Variants in HYCC1 observed in about 807,000 individuals in gnomAD.
The protein encoded by HYCC1 is hyccin.
chr7:23,007,973 AC>A, the HYCC1 span, among the ~76,000 whole-genome samples: 1 of 152,072 alleles, frequency 6.6e-6, no homozygotes, highest in Non-Finnish European at 1.5e-5. Flanking sequence ...CAACTGTGAA[AC>A]CCTAAAGGCA....
the HYCC1 span, among the ~76,000 whole-genome samples, chr7:22,989,271 T>C: frequency 6.7e-6 from 1 of 148,858 alleles, no homozygotes; most frequent in African/African-American, 2.5e-5. Flanking sequence ...ATCACAAAGA[T>C]AACACAAGCA....
the HYCC1 span, among the ~76,000 whole-genome samples, chr7:23,000,821 T>C: frequency 3.3e-5 from 5 of 151,692 alleles, no homozygotes; most frequent in Non-Finnish European, 7.4e-5. Context: ...GGGATAGACA[T>C]CTGCATAAGA....
chr7:23,000,960 A>G, the HYCC1 span, among the ~76,000 whole-genome samples: 1 of 151,968 alleles, frequency 6.6e-6, no homozygotes, highest in Non-Finnish European at 1.5e-5. Flanking sequence ...AGAGCCTTTA[A>G]TATGCTAAAT....
the HYCC1 span, among the ~76,000 whole-genome samples, chr7:22,986,028 T>TTA: frequency 0.29 from 43,439 of 149,222 alleles, 6,414 homozygotes; most frequent in East Asian, 0.47. Flanking sequence ...GATTACTACT[T>TTA]TATATATATA....
the HYCC1 span, chr7:22,977,465 C>T: frequency 8.8e-7 from 1 of 1,135,758 alleles, no homozygotes; most frequent in Non-Finnish European, 1.3e-6. Flanking sequence ...TACTTTCTTA[C>T]ACACAAATTT....
the HYCC1 span, among the ~76,000 whole-genome samples, chr7:23,011,451 A>G: frequency 6.6e-6 from 1 of 152,196 alleles, no homozygotes; most frequent in Non-Finnish European, 1.5e-5. Context: ...CAGAACCCCA[A>G]GTCAAACCTT....
chr7:22,905,386 A>ATTTTTTTTTTTTTTTTTTTTTT, the HYCC1 span, among the ~76,000 whole-genome samples: 48 of 44,470 alleles, frequency 1.1e-3, 5 homozygotes, highest in Admixed American at 1.9e-3. Context: ...CTAATTTTGT[A>ATTTTTTTTTTTTTTTTTTTTTT]TTTTTTTTTT....
chr7:22,895,933 T>C, the HYCC1 span, among the ~76,000 whole-genome samples: 1 of 152,238 alleles, frequency 6.6e-6, no homozygotes, highest in Admixed American at 6.5e-5. Flanking sequence ...TAATATTATA[T>C]TTGAAATGAA....
chr7:22,934,838 T>C, the HYCC1 span: 5 of 152,314 alleles, frequency 3.3e-5, no homozygotes, highest in African/African-American at 7.2e-5. Context: ...AAAGTTTGTA[T>C]TGGAAGTTAG....
chr7:22,904,096 T>C, the HYCC1 span, among the ~76,000 whole-genome samples: 3 of 152,096 alleles, frequency 2.0e-5, no homozygotes, highest in Admixed American at 6.6e-5. Context: ...ATGTAGAAAT[T>C]ATCAAATCCT....
chr7:22,974,465 C>A, the HYCC1 span, among the ~76,000 whole-genome samples: 1 of 152,116 alleles, frequency 6.6e-6, no homozygotes, highest in Non-Finnish European at 1.5e-5. Context: ...CAAAAAACAT[C>A]TTAGAACGAC....
At chr7:22,915,200 G>A in the HYCC1 span, among the ~76,000 whole-genome samples, 1 of 152,090 alleles carries the variant, frequency 6.6e-6, no homozygotes. Flanking sequence ...TCAGATTCCG[G>A]CCCTCAAACC....
At chr7:23,002,166 A>ATATATACAAT in the HYCC1 span, among the ~76,000 whole-genome samples, 4 of 81,156 alleles carry the variant, frequency 4.9e-5, no homozygotes, top group African/African-American at 2.0e-4. Flanking sequence ...ATATATATAT[A>ATATATACAAT]TATATATATA....
chr7:22,946,209 G>A, the HYCC1 span: 1 of 1,516,328 alleles, frequency 6.6e-7, no homozygotes, highest in African/African-American at 1.4e-5. Context: ...AGTATTTTAA[G>A]CAATCTTTTT....
At chr7:22,925,981 C>T in the HYCC1 span, among the ~76,000 whole-genome samples, 1 of 152,176 alleles carries the variant, frequency 6.6e-6, no homozygotes, top group Non-Finnish European at 1.5e-5. Flanking sequence ...AACAGCTGAT[C>T]TCTCGGCAGA....
chr7:22,946,266 A>G, the HYCC1 span: 4 of 880,826 alleles, frequency 4.5e-6, no homozygotes, highest in Non-Finnish European at 7.0e-6. Flanking sequence ...ATTAAGCTTT[A>G]GCATAATTTA....
the HYCC1 span, among the ~76,000 whole-genome samples, chr7:22,995,064 T>C: frequency 6.6e-6 from 1 of 152,166 alleles, no homozygotes; most frequent in East Asian, 1.9e-4. Context: ...CTAGTTTCCC[T>C]GCATGCAAGC....
the HYCC1 span, among the ~76,000 whole-genome samples, chr7:23,002,182 A>G: frequency 7.7e-6 from 1 of 129,868 alleles, no homozygotes; most frequent in East Asian, 2.4e-4. Flanking sequence ...ATATACATAT[A>G]GTTTGCGGCT....
the HYCC1 span, among the ~76,000 whole-genome samples, chr7:22,928,532 T>C: frequency 6.6e-6 from 1 of 152,196 alleles, no homozygotes; most frequent in Admixed American, 6.5e-5. Context: ...AGCATTCTTA[T>C]ACACCAATAA....
Sources: allele counts gnomAD v4.1 joint callset (sites outside exome capture counted in the v4.1 genomes callset), GRCh38; gene constraint gnomAD v4.1.1; transcripts MANE v1.5; gene names NCBI Gene and HGNC (gene_info 2026-07-23, HGNC 2026-07-21).